METAP1: variants seen among roughly 807,000 people sequenced by gnomAD.
METAP1 encodes the protein methionine aminopeptidase 1.
A neutral mutation model predicts 53.8 loss-of-function variants in METAP1; 28 were observed. The ratio of observed to expected loss-of-function variants is 0.52; its 90% CI spans 0.39 to 0.71. The LOEUF (loss-of-function observed/expected upper bound fraction) is 0.71. METAP1 is among the 30% of genes least tolerant of loss of function. The pLI, the probability that METAP1 is intolerant of heterozygous loss-of-function variation, is 0.00. For missense variants in METAP1, 389 were observed against 479.8 expected (o/e 0.81, Z 1.77); for synonymous variants, 181 against 165.7 (o/e 1.09, Z -0.71).
intron 1 of METAP1, among the ~76,000 whole-genome samples, chr4:99,001,885 T>G (rs1722942606): frequency 6.6e-6 from 1 of 152,228 alleles, no homozygotes; most frequent in Non-Finnish European, 1.5e-5. Flanking sequence ...CTTCTGGTCA[T>G]CTATGAAGTT....
At position 99,028,884 on chromosome 4, in the gene METAP1, T is replaced by C. The variant is rs1314142352; in HGVS notation, c.132T>C (p.Ser44=). The change falls in exon 2 of 11, where the codon AGT becomes AGC. Residue 44 remains serine (S), a synonymous_variant. Transcript: ENST00000296411. ...TCTTTTAGGAATGTTTTAAAGGAAG[T>C]TGGGCTACTCACAAGTTACTACATA... is the stretch of plus-strand genomic sequence containing the variant. ...YFCSQECFKG[S]WATHKLLHKK... is the part of the protein sequence containing the mutation. 2.3e-5 allele frequency: 35 copies of C among 1,545,434 alleles called. No homozygotes were observed. Among genetic ancestry groups the C allele is most frequent in the Non-Finnish European group, 3.1e-5 (35 of 1,143,318 alleles).
intron 3 of METAP1, among the ~76,000 whole-genome samples, chr4:99,034,726 C>T (rs1725305214): frequency 6.6e-6 from 1 of 152,194 alleles, no homozygotes; most frequent in Non-Finnish European, 1.5e-5. Flanking sequence ...AGTCAACCTT[C>T]CGTATCACAG....
At chr4:99,006,101 T>A (rs1723165638) in intron 1 of METAP1, among the ~76,000 whole-genome samples, 1 of 152,248 alleles carries the variant, frequency 6.6e-6, no homozygotes, top group Non-Finnish European at 1.5e-5. Context: ...AGACTTTTTA[T>A]TTTTGCCAGT....
chr4:99,009,053 C>T (rs571974432), intron 1 of METAP1, among the ~76,000 whole-genome samples: 14 of 152,158 alleles, frequency 9.2e-5, no homozygotes, highest in Non-Finnish European at 1.6e-4. Flanking sequence ...GTTTCCCAAA[C>T]CCCTGGTAAC....
chr4:98,997,845 C>T (rs1722710161), intron 1 of METAP1, among the ~76,000 whole-genome samples: 4 of 152,140 alleles, frequency 2.6e-5, no homozygotes, highest in Admixed American at 2.6e-4. Context: ...GTCTCTTTTT[C>T]TTCATTTCTG....
chr4:99,055,045 G>A (rs112902359), intron 9 of METAP1, among the ~76,000 whole-genome samples: 88 of 151,956 alleles, frequency 5.8e-4, no homozygotes, highest in African/African-American at 2.0e-3. Context: ...AAATGACATT[G>A]TTAGACTTGC....
At chr4:99,022,229 G>T (rs62325183) in intron 1 of METAP1, 11,934 of 424,762 alleles carry the variant, frequency 0.028, 218 homozygotes, top group Non-Finnish European at 0.035. Context: ...TAAAATGTCT[G>T]CCTGGGTAGT....
chr4:99,061,208 GA>G lies in METAP1; in HGVS notation c.1055del (p.Lys352SerfsTer20). 6.2e-7 allele frequency: 1 copy of G among 1,613,922 alleles called. No homozygotes were observed. On this transcript the variant is annotated frameshift_variant, in exon 11 of 11. Transcript: ENST00000296411. LOFTEE classifies it high-confidence loss of function. ...GGTTGGACTGCGGTGACAAGAGACGGAAAGCGGTCTGCTCAGTTTGAGCACA... is the reference window on the plus strand; with the variant it reads ...GGTTGGACTGCGGTGACAAGAGACGGAAGCGGTCTGCTCAGTTTGAGCACA... ...PDGWTAVTRD[G>X]KRSAQFEHTL...
At chr4:99,045,344 C>T in intron 8 of METAP1, 34 bp downstream of exon 8, 3 of 1,608,740 alleles carry the variant, frequency 1.9e-6, no homozygotes, top group Non-Finnish European at 2.5e-6. Flanking sequence ...ATTGGCAGTC[C>T]TGTGTGTTGA....
At chr4:99,013,574 T>A (rs577367014) in intron 1 of METAP1, among the ~76,000 whole-genome samples, 2 of 152,214 alleles carry the variant, frequency 1.3e-5, no homozygotes, top group Non-Finnish European at 1.5e-5. Flanking sequence ...CGGGGACATT[T>A]ATAACCTTTA....
chr4:99,035,549 T>C, intron 4 of METAP1, 89 bp downstream of exon 4: 1 of 988,160 alleles, frequency 1.0e-6, no homozygotes, highest in Non-Finnish European at 1.5e-6. Context: ...TGTAGAAATT[T>C]TTCAGTGCTG....
At chr4:99,005,844 C>T (rs1359346762) in intron 1 of METAP1, 9 of 408,478 alleles carry the variant, frequency 2.2e-5, no homozygotes, top group South Asian at 5.5e-5. Flanking sequence ...CAGGTCGTCT[C>T]GCTTACAAGT....
At chr4:99,056,435 C>T (rs141348958) in intron 9 of METAP1, among the ~76,000 whole-genome samples, 1 of 152,068 alleles carries the variant, frequency 6.6e-6, no homozygotes, top group African/African-American at 2.4e-5. Context: ...AAAAAACTTA[C>T]ATTAGTGAAC....
intron 9 of METAP1, among the ~76,000 whole-genome samples, chr4:99,055,807 A>G (rs367897634): frequency 1.3e-5 from 2 of 152,362 alleles, no homozygotes; most frequent in South Asian, 2.1e-4. Context: ...GTGACACCAC[A>G]CTGACATTCT....
intron 6 of METAP1, 73 bp downstream of exon 6, chr4:99,041,199 G>C: frequency 9.4e-7 from 1 of 1,064,026 alleles, no homozygotes; most frequent in Non-Finnish European, 1.3e-6. Context: ...ACATTAAGTA[G>C]ATTTAAGTTC....
intron 9 of METAP1, among the ~76,000 whole-genome samples, chr4:99,057,234 C>T (rs931673741): frequency 5.3e-5 from 8 of 152,238 alleles, no homozygotes; most frequent in African/African-American, 1.9e-4. Flanking sequence ...AAAAACACAA[C>T]AGCTTATGAA....
chr4:99,024,898 T>TG (rs199685478), intron 1 of METAP1, among the ~76,000 whole-genome samples: 3,338 of 152,112 alleles, frequency 0.022, 47 homozygotes, highest in Non-Finnish European at 0.035. Flanking sequence ...TTGGGGGTGG[T>TG]GGGGATATGG....
chr4:99,026,609 A>C (rs916344802), intron 1 of METAP1: 5 of 985,278 alleles, frequency 5.1e-6, no homozygotes, highest in Non-Finnish European at 6.0e-6. Flanking sequence ...TGAGGAGGGA[A>C]AGATTGCCCT....
intron 1 of METAP1, among the ~76,000 whole-genome samples, chr4:99,025,170 C>T (rs1724472989): frequency 6.6e-6 from 1 of 152,228 alleles, no homozygotes. Context: ...AGTCCATGGC[C>T]TGGGGTTTGG....
Sources: allele counts gnomAD v4.1 joint callset (sites outside exome capture counted in the v4.1 genomes callset), GRCh38; gene constraint gnomAD v4.1.1; transcripts MANE v1.5; gene names NCBI Gene and HGNC (gene_info 2026-07-23, HGNC 2026-07-21).